Variants in TMX3 observed in about 807,000 individuals in gnomAD.
The protein encoded by TMX3 is thioredoxin related transmembrane protein 3.
Under a neutral mutation model 64.4 loss-of-function variants are expected in TMX3, and 40 were observed. That is an observed-to-expected ratio of 0.62 (90% CI 0.48 to 0.81). The LOEUF is 0.81. TMX3 is among the 30% of genes least tolerant of loss of function. TMX3 has a pLI of 0.00. For missense variants in TMX3, 497 were observed against 534.5 expected, an observed-to-expected ratio of 0.93 and a Z score of 0.69; for synonymous variants, 189 against 175.7, an observed-to-expected ratio of 1.08 and a Z score of -0.60.
Position 68,676,959 on chromosome 18 carries a change from C to T in TMX3, c.1339G>A (p.Asp447Asn), listed in dbSNP as rs1220263889. The T allele has an allele frequency of 6.2e-7, 1 of 1,613,398 alleles. No homozygotes were observed. The highest frequency in any genetic ancestry group is 8.5e-7 in the Non-Finnish European group (1 of 1,179,752). Residue 447 changes from aspartate to asparagine, a missense_variant, in exon 16 of 16, where the codon GAT becomes AAT. Transcript: ENST00000299608. ...CAATCTTTCTTCTTTTCTAATACAT[C>T]CTTGGGCTCCTGCACTGTAGGCACT... is the stretch of plus-strand genomic sequence containing the variant. ...SVVPTVQEPK[D>N]VLEKKKD
At chr18:68,681,356 A>C in intron 13 of TMX3, 2 of 675,618 alleles carry the variant, frequency 3.0e-6, no homozygotes, top group Non-Finnish European at 3.8e-6. Flanking sequence ...CAAATTATCA[A>C]AAATCTCAAA....
At chr18:68,711,640 T>C (rs2145147742) in intron 2 of TMX3, among the ~76,000 whole-genome samples, 1 of 152,298 alleles carries the variant, frequency 6.6e-6, no homozygotes, top group South Asian at 2.1e-4. Context: ...AGAATTAAAG[T>C]AGGACTTGGT....
At chr18:68,691,599 T>G (rs1599312410) in intron 8 of TMX3, among the ~76,000 whole-genome samples, 1 of 152,218 alleles carries the variant, frequency 6.6e-6, no homozygotes, top group Non-Finnish European at 1.5e-5. Context: ...CCATGGATTA[T>G]TCTTACCTGA....
chr18:68,713,434 TG>T (rs1376931741), intron 2 of TMX3, among the ~76,000 whole-genome samples: 1 of 152,104 alleles, frequency 6.6e-6, no homozygotes, highest in African/African-American at 2.4e-5. Context: ...GAAAAAGCCT[TG>T]CAATTGTCTA....
chr18:68,692,972 C>A (rs1914668070), intron 8 of TMX3, among the ~76,000 whole-genome samples: 1 of 152,150 alleles, frequency 6.6e-6, no homozygotes, highest in South Asian at 2.1e-4. Context: ...ACTCCAAGTG[C>A]CAACTGCTTG....
intron 4 of TMX3, among the ~76,000 whole-genome samples, chr18:68,703,245 T>C (rs2030303158): frequency 1.3e-5 from 2 of 152,216 alleles, no homozygotes; most frequent in Non-Finnish European, 2.9e-5. Flanking sequence ...TACCTTCAAT[T>C]AAAACTCATT....
intron 4 of TMX3, among the ~76,000 whole-genome samples, chr18:68,702,703 T>C (rs2030233923): frequency 6.6e-6 from 1 of 152,210 alleles, no homozygotes; most frequent in Admixed American, 6.5e-5. Flanking sequence ...GTTTCCAGGG[T>C]ATTTTGTTAT....
intron 4 of TMX3, among the ~76,000 whole-genome samples, chr18:68,705,925 G>A (rs2030614363): frequency 6.6e-6 from 1 of 152,186 alleles, no homozygotes; most frequent in Admixed American, 6.5e-5. Context: ...ACATGATTGA[G>A]AAATGAGTTA....
In TMX3 at chr18:68,710,069, T is replaced by C. The variant is rs773397707; in HGVS notation, c.217A>G (p.Ile73Val). ...TTTCCAACCTTAACTGGAGAACCAA[T>C]GCTTTTCATCTCAAGACCAACTTCA... ...WNEVGLEMKS[I>V]GSPVKVGKMD... The change falls in exon 4 of 16, where the codon ATT (isoleucine) becomes GTT (valine). Residue 73 changes from isoleucine to valine, a missense_variant. Ile to Val is a conservative substitution (Grantham distance 29, BLOSUM62 3). This residue lies in a region of TMX3 where 360 missense variants were observed against 383.5 expected (regional missense o/e 0.94). Coordinates refer to ENST00000299608, the MANE Select transcript of TMX3 (RefSeq NM_019022.5). 8.1e-6 allele frequency: 13 copies of C among 1,604,176 alleles called. No individual in the cohort carries two copies. In the African/African-American group the frequency reaches 9.4e-5, roughly 12 times the overall value.
chr18:68,701,955 C>A (rs555256656), intron 4 of TMX3, among the ~76,000 whole-genome samples, 165 bp from the exon 5 acceptor site: 1 of 151,638 alleles, frequency 6.6e-6, no homozygotes, highest in South Asian at 2.1e-4. Context: ...AAAAACATGA[C>A]ATTCTCATAG....
chr18:68,680,941 C>A (rs888203436), intron 14 of TMX3, 40 bp downstream of exon 14: 7 of 1,524,360 alleles, frequency 4.6e-6, no homozygotes, highest in African/African-American at 1.4e-5. Context: ...TCCTCTACCC[C>A]CTGTCCATCA....
At position 68,674,459 on chromosome 18, in the gene TMX3, AAAGAG is replaced by A. The variant is rs1912768712; in HGVS notation, c.*2469_*2473del. ...TATAAAGAGAACTTCACTGCAATTA[AAAGAG>A]AAGGCAAAAATTCCAACTTCCTGAA... On this transcript the variant is annotated 3_prime_UTR_variant, in exon 16 of 16. Coordinates refer to ENST00000299608, the MANE Select transcript of TMX3 (RefSeq NM_019022.5). 8.0e-6 allele frequency: 1 copy of A among 125,062 alleles called. No individual in the cohort carries two copies. Among genetic ancestry groups the A allele is most frequent in the Non-Finnish European group, 1.8e-5 (1 of 56,508 alleles). 7.7% of individuals were successfully genotyped at this position (125,062 alleles called of 1,614,324 possible). A position where few individuals can be genotyped will look rare whatever the true frequency, so the allele number is the denominator to read the frequency against.
At chr18:68,707,231 TC>T (rs1328404536) in intron 4 of TMX3, among the ~76,000 whole-genome samples, 28 of 151,890 alleles carry the variant, frequency 1.8e-4, no homozygotes, top group Admixed American at 1.6e-3. Flanking sequence ...TTTGGATAAT[TC>T]AAGTAGGCTT....
chr18:68,693,710 G>A (rs1475088391), intron 8 of TMX3, among the ~76,000 whole-genome samples: 2 of 152,058 alleles, frequency 1.3e-5, no homozygotes, highest in Non-Finnish European at 2.9e-5. Context: ...TGATGACGGC[G>A]GGAGTCAGAC....
intron 14 of TMX3, among the ~76,000 whole-genome samples, chr18:68,679,991 C>G (rs1422494341): frequency 6.6e-6 from 1 of 152,096 alleles, no homozygotes; most frequent in Non-Finnish European, 1.5e-5. Flanking sequence ...CAATCTGGCT[C>G]ATTTTTTAAA....
At chr18:68,695,246 T>C (rs1440908734) in intron 8 of TMX3, among the ~76,000 whole-genome samples, 1 of 152,204 alleles carries the variant, frequency 6.6e-6, no homozygotes, top group Non-Finnish European at 1.5e-5. Context: ...TCACACAAAC[T>C]GTTCACTTCT....
chr18:68,699,900 C>T (rs1220098422), intron 6 of TMX3, among the ~76,000 whole-genome samples: 2 of 151,998 alleles, frequency 1.3e-5, no homozygotes, highest in Non-Finnish European at 2.9e-5. Flanking sequence ...ATAAAATGCA[C>T]GAATACCTCA....
At position 68,681,002 on chromosome 18, in the gene TMX3, G is replaced by A. The variant is rs757650862; in HGVS notation, c.1014C>T (p.Asn338=). The change falls in exon 14 of 16, where the codon AAC becomes AAT. Residue 338 remains asparagine (N), a synonymous_variant. Coordinates refer to ENST00000299608, the MANE Select transcript of TMX3 (RefSeq NM_019022.5). ...TTACTTCTACTGTGCCATCCAAAAT[G>A]TTATTAATAAACTGGACCATGTCTT... ...NVEDMVQFIN[N]ILDGTVEAQG... is the part of the protein sequence containing the mutation. 8 of 1,594,212 alleles carry A rather than the reference G, an allele frequency of 5.0e-6. No individual in the cohort carries two copies. In the Admixed American group the frequency reaches 8.8e-5, roughly 18 times the overall value.
chr18:68,687,041 CTACT>C, intron 10 of TMX3: 2 of 981,822 alleles, frequency 2.0e-6, no homozygotes, highest in Non-Finnish European at 2.4e-6. Context: ...TACTTCCATC[CTACT>C]TATCATAAAG....
Sources: gnomAD v4.1 joint callset for allele counts (sites outside exome capture counted in the v4.1 genomes callset) on GRCh38, gnomAD v4.1.1 for gene constraint, gnomAD v4.1.1 regional missense constraint, MANE v1.5 for transcripts, NCBI Gene and HGNC (gene_info 2026-07-23, HGNC 2026-07-21) for gene names.